FAM149A: variants seen among roughly 807,000 people sequenced by gnomAD.
FAM149A encodes the protein protein FAM149A.
FAM149A carries 71 observed loss-of-function variants against 78.2 expected under a neutral mutation model. The observed-to-expected ratio is 0.91, with a 90% CI of 0.75 to 1.11. The LOEUF (loss-of-function observed/expected upper bound fraction) is 1.11, where lower values mean the gene tolerates loss of function less well. Ranked by LOEUF, FAM149A falls within the 50% of genes least tolerant of loss-of-function variation. FAM149A has a pLI of 0.00. For synonymous variants in FAM149A, 446 were observed against 410.5 expected, an observed-to-expected ratio of 1.09 and a Z score of -1.04; for missense variants, 1,036 against 971.0, an observed-to-expected ratio of 1.07 and a Z score of -0.89.
At chr4:186,152,766 G>C (rs1733701051) in intron 4 of FAM149A, among the ~76,000 whole-genome samples, 1 of 151,476 alleles carries the variant, frequency 6.6e-6, no homozygotes, top group Non-Finnish European at 1.5e-5. Flanking sequence ...GGATGGTCTT[G>C]ATCTCCTGAA....
chr4:186,135,089 G>A (rs1007197432), intron 1 of FAM149A, among the ~76,000 whole-genome samples: 19 of 152,286 alleles, frequency 1.2e-4, no homozygotes, highest in African/African-American at 4.3e-4. Context: ...CCAGAGACCG[G>A]GGTGGGGCCC....
rs1454893517 is a variant in FAM149A, at chr4:186,105,253, T to C, written c.177T>C (p.Ala59=). 2.5e-6 allele frequency: 3 copies of C among 1,222,384 alleles called. No individual in the cohort carries two copies. The highest frequency in any genetic ancestry group is 3.3e-5 in the African/African-American group (2 of 60,602). The allele number at this position is 1,222,384 out of a possible 1,614,324, so 75.7% of individuals were successfully genotyped here. Residue 59 remains alanine, a synonymous_variant, in exon 1 of 14, where the codon GCT becomes GCC. Coordinates refer to ENST00000389354, the MANE Select transcript of FAM149A (RefSeq NM_001367768.3). ...CCCCGACCCTCCTCCGCGCCCTGGCTCCGGACTCCCCCTCCGCCTCGCGGC... is the reference window on the plus strand; with the variant it reads ...CCCCGACCCTCCTCCGCGCCCTGGCCCCGGACTCCCCCTCCGCCTCGCGGC...
intron 8 of FAM149A, among the ~76,000 whole-genome samples, chr4:186,160,322 C>T (rs1275848964): frequency 7.1e-6 from 1 of 140,202 alleles, no homozygotes; most frequent in African/African-American, 2.7e-5. Context: ...CACCACACAC[C>T]AAACACACAC....
At chr4:186,147,825 C>T (rs925974189) in intron 1 of FAM149A, among the ~76,000 whole-genome samples, 23 of 152,280 alleles carry the variant, frequency 1.5e-4, no homozygotes, top group African/African-American at 5.3e-4. Flanking sequence ...AGCAGTTTGT[C>T]AGCATAAAGC....
At chr4:186,152,645 C>T (rs112436811) in intron 4 of FAM149A, among the ~76,000 whole-genome samples, 71 of 144,878 alleles carry the variant, frequency 4.9e-4, no homozygotes, top group East Asian at 2.7e-3. Context: ...CCTTGGTTCA[C>T]GCCATCCTCC....
intron 1 of FAM149A, chr4:186,146,504 C>T (rs1349339179): frequency 4.1e-6 from 4 of 985,096 alleles, no homozygotes; most frequent in Non-Finnish European, 3.6e-6. Context: ...ATAATTTTCT[C>T]CTTAATTTGA....
chr4:186,134,051 G>A (rs960428117), intron 1 of FAM149A, among the ~76,000 whole-genome samples: 15 of 152,168 alleles, frequency 9.9e-5, no homozygotes, highest in Admixed American at 2.0e-4. Flanking sequence ...AATCACAAAC[G>A]ATTTTTTTAT....
chr4:186,124,013 A>G, intron 1 of FAM149A: 1 of 985,298 alleles, frequency 1.0e-6, no homozygotes, highest in Non-Finnish European at 1.2e-6. Flanking sequence ...GGGGCTACAC[A>G]CTCACACAGA....
Position 186,105,241 on chromosome 4 carries a change from C to T in FAM149A, c.165C>T (p.Leu55=), listed in dbSNP as rs73025977. 0.22 allele frequency: 276,942 copies of T among 1,233,432 alleles called. 32,090 individuals carry two copies. Among genetic ancestry groups the T allele is most frequent in the Middle Eastern group, 0.31 (992 of 3,242 alleles). The allele number at this position is 1,233,432 out of a possible 1,614,324, so 76.4% of individuals were successfully genotyped here. The change falls in exon 1 of 14, where the codon CTC becomes CTT. Residue 55 remains leucine, a synonymous_variant. Coordinates refer to ENST00000389354, the MANE Select transcript of FAM149A (RefSeq NM_001367768.3). ...CGTTGGGTACCGCCCCGACCCTCCT[C>T]CGCGCCCTGGCTCCGGACTCCCCCT...
At position 186,173,634 on chromosome 4, in the gene FAM149A, G is replaced by A. The variant is rs558570046; in HGVS notation, c.*1647G>A. Among the ~76,000 whole-genome samples the A allele has an allele frequency of 1.8e-5, 2 of 111,504 alleles. No homozygotes were observed. The highest frequency in any genetic ancestry group is 4.5e-5 in the Non-Finnish European group (2 of 44,248). 73.2% of individuals were successfully genotyped at this position (111,504 alleles called of 152,430 possible). Reference sequence around the variant, plus strand: ...GGCCTCCCAAAGTGCTGGGATTATAGGCGTGAGCTTCCGCGCCTGGCCAGC... The same window carrying A: ...GGCCTCCCAAAGTGCTGGGATTATAAGCGTGAGCTTCCGCGCCTGGCCAGC... On this transcript the variant is annotated 3_prime_UTR_variant, in exon 14 of 14. Coordinates refer to ENST00000389354, the MANE Select transcript of FAM149A (RefSeq NM_001367768.3).
At chr4:186,120,754 A>G (rs1297849257) in intron 1 of FAM149A, among the ~76,000 whole-genome samples, 3 of 136,768 alleles carry the variant, frequency 2.2e-5, no homozygotes, top group African/African-American at 8.0e-5. Context: ...AGATTGCGCC[A>G]CTGCACTCCA....
Position 186,105,492 on chromosome 4 carries a change from C to T in FAM149A, c.416C>T (p.Ala139Val). ...TCGGGCCCCGGCGGGGTCTGGGCCG[C>T]GCTCCCCAGGAACCCGCTCCAGCCT... Residue 139 changes from alanine to valine, a missense_variant, in exon 1 of 14, where the codon GCG becomes GTG. This residue lies in a region of FAM149A where 316 missense variants were observed against 241.9 expected (regional missense o/e 1.31). Coordinates refer to ENST00000389354, the MANE Select transcript of FAM149A (RefSeq NM_001367768.3). 1 of 1,199,950 alleles carries T rather than the reference C, an allele frequency of 8.3e-7. No homozygotes were observed. The highest frequency in any genetic ancestry group is 1.1e-6 in the Non-Finnish European group (1 of 952,220). The allele number at this position is 1,199,950 out of a possible 1,614,324, so 74.3% of individuals were successfully genotyped here. A position where few individuals can be genotyped will look rare whatever the true frequency, so the allele number is the denominator to read the frequency against.
At chr4:186,148,926 T>C (rs1733250567) in intron 1 of FAM149A, among the ~76,000 whole-genome samples, 1 of 152,010 alleles carries the variant, frequency 6.6e-6, no homozygotes, top group South Asian at 2.1e-4. Flanking sequence ...AAGGTACATA[T>C]AGGTTAATGG....
intron 1 of FAM149A, among the ~76,000 whole-genome samples, chr4:186,129,698 G>T (rs142656109): frequency 2.0e-4 from 31 of 152,184 alleles, no homozygotes; most frequent in African/African-American, 7.0e-4. Flanking sequence ...CCCCAGCACA[G>T]TCTGCTATAC....
chr4:186,120,848 C>CTTTTTTTTT (rs374357159), intron 1 of FAM149A, among the ~76,000 whole-genome samples: 2 of 90,208 alleles, frequency 2.2e-5, no homozygotes, highest in African/African-American at 4.4e-5. Context: ...AAATAATATT[C>CTTTTTTTTT]TTTTTTTTTT....
rs1022429476 is a variant in FAM149A, at chr4:186,138,244, A to T, written c.567-10929A>T. 5.3e-5 allele frequency among the ~76,000 whole-genome samples: 8 copies of T among 150,968 alleles called. No individual in the cohort carries two copies. The East Asian group carries it at 9.7e-4, about 18-fold the overall frequency. Reference sequence around the variant, plus strand: ...ATCAGACAGGATGAGTTAGTGAGTGAGTGTGTGTGTGTGTGTGTTTGCATG... The same window carrying T: ...ATCAGACAGGATGAGTTAGTGAGTGTGTGTGTGTGTGTGTGTGTTTGCATG... On this transcript the variant is annotated intron_variant, in intron 1 of 13. Coordinates refer to ENST00000389354, the MANE Select transcript of FAM149A (RefSeq NM_001367768.3).
At chr4:186,122,628 T>C (rs1250320521) in intron 1 of FAM149A, 2 of 152,982 alleles carry the variant, frequency 1.3e-5, no homozygotes, top group Non-Finnish European at 2.9e-5. Context: ...ATTTTATTTT[T>C]TGGTATAAAT....
rs1415126042 is a variant in FAM149A, at chr4:186,144,574, A to G, written c.567-4599A>G. 1 of 152,864 alleles carries G rather than the reference A, an allele frequency of 6.5e-6. No homozygotes were observed. Among genetic ancestry groups the G allele is most frequent in the African/African-American group, 2.4e-5 (1 of 41,468 alleles). 9.5% of individuals were successfully genotyped at this position (152,864 alleles called of 1,614,324 possible). A position where few individuals can be genotyped will look rare whatever the true frequency, so the allele number is the denominator to read the frequency against. ...AATTAAAATCCGATTTGGAAGAGAGAAGGGCAGCCAGCACCAGTATGCACA... is the reference window on the plus strand; with the variant it reads ...AATTAAAATCCGATTTGGAAGAGAGGAGGGCAGCCAGCACCAGTATGCACA... On this transcript the variant is annotated intron_variant, in intron 1 of 13. Transcript: ENST00000389354. The surrounding 1 kb of genome is among the most constrained non-coding windows in gnomAD (Gnocchi z 4.2).
chr4:186,163,615 T>G lies in FAM149A; in HGVS notation c.1871T>G (p.Val624Gly). ...ACTCCCAACATCTATAGTGACGAAG[T>G]TCTTCGGGGAACAAAACTGTGAGTC... Residue 624 changes from valine to glycine, a missense_variant, in exon 10 of 14, where the codon GTT (valine) becomes GGT (glycine). Val to Gly is a moderately radical substitution (Grantham distance 109, BLOSUM62 -3). Coordinates refer to ENST00000389354, the MANE Select transcript of FAM149A (RefSeq NM_001367768.3). 1 of 1,613,898 alleles carries G rather than the reference T, an allele frequency of 6.2e-7. No homozygotes were observed. The highest frequency in any genetic ancestry group is 8.5e-7 in the Non-Finnish European group (1 of 1,179,840).
Sources: gnomAD v4.1 joint callset for allele counts (sites outside exome capture counted in the v4.1 genomes callset) on GRCh38, gnomAD v4.1.1 for gene constraint, gnomAD v4.1.1 regional missense constraint, Gnocchi (gnomAD v3.1) non-coding constraint, MANE v1.5 for transcripts, NCBI Gene and HGNC (gene_info 2026-07-23, HGNC 2026-07-21) for gene names.